The following KCTD16 variants were observed in gnomAD, a reference collection of about 807,000 sequenced individuals.
KCTD16 encodes the protein potassium channel tetramerization domain containing 16, also known as BTB/POZ domain-containing protein KCTD16.
A neutral mutation model predicts 33.2 loss-of-function variants in KCTD16; 13 were observed. The observed-to-expected ratio is 0.39, with a 90% CI of 0.25 to 0.62. The LOEUF (loss-of-function observed/expected upper bound fraction) is 0.62, where lower values mean the gene tolerates loss of function less well. Among genes scored for constraint, KCTD16 ranks in the 20% least tolerant of loss-of-function variants. The pLI is 0.50. For synonymous variants in KCTD16, 197 were observed against 195.3 expected, an observed-to-expected ratio of 1.01 and a Z score of -0.07; for missense variants, 441 against 525.1, an observed-to-expected ratio of 0.84 and a Z score of 1.57.
intron 3 of KCTD16, among the ~76,000 whole-genome samples, chr5:144,393,695 T>A (rs1194911907): frequency 6.6e-6 from 1 of 152,186 alleles, no homozygotes; most frequent in African/African-American, 2.4e-5. Flanking sequence ...GCTATATATT[T>A]AAAGCATTGG....
chr5:144,461,461 A>G (rs1023495028), intron 3 of KCTD16, among the ~76,000 whole-genome samples: 3 of 152,196 alleles, frequency 2.0e-5, no homozygotes, highest in African/African-American at 4.8e-5. Context: ...TCTCACTGAT[A>G]TCTGTAACTT....
intron 3 of KCTD16, among the ~76,000 whole-genome samples, chr5:144,377,588 G>A (rs1041793202): frequency 2.6e-5 from 4 of 152,156 alleles, no homozygotes; most frequent in African/African-American, 9.7e-5. Flanking sequence ...TACCCAATCT[G>A]CTACATACAT....
intron 2 of KCTD16, among the ~76,000 whole-genome samples, chr5:144,187,711 A>G (rs1752757683): frequency 6.6e-6 from 1 of 152,190 alleles, no homozygotes; most frequent in Non-Finnish European, 1.5e-5. Flanking sequence ...TGTGTACCCC[A>G]GAGTCTTGCT....
At chr5:144,201,365 A>G (rs919040607) in intron 2 of KCTD16, among the ~76,000 whole-genome samples, 1 of 152,230 alleles carries the variant, frequency 6.6e-6, no homozygotes, top group African/African-American at 2.4e-5. Context: ...AAATACATTT[A>G]TAACAAGCAA....
intron 3 of KCTD16, among the ~76,000 whole-genome samples, chr5:144,212,394 T>C (rs1347135371): frequency 6.6e-6 from 1 of 152,166 alleles, no homozygotes; most frequent in Non-Finnish European, 1.5e-5. Context: ...TCAGGGAAGG[T>C]ATTTGGCAGC....
chr5:144,304,598 CATT>C (rs746607110), intron 3 of KCTD16, among the ~76,000 whole-genome samples: 10 of 152,138 alleles, frequency 6.6e-5, no homozygotes, highest in Non-Finnish European at 8.8e-5. Flanking sequence ...TGAGTAAAAA[CATT>C]ATATGGAAGA....
intron 2 of KCTD16, among the ~76,000 whole-genome samples, chr5:144,194,965 A>C (rs1752914363): frequency 6.6e-6 from 1 of 152,180 alleles, no homozygotes; most frequent in Non-Finnish European, 1.5e-5. Context: ...CAAATCCTTC[A>C]ATGTTGTCAT....
intron 3 of KCTD16, among the ~76,000 whole-genome samples, chr5:144,262,142 T>C (rs1045543472): frequency 3.3e-5 from 5 of 152,196 alleles, no homozygotes; most frequent in African/African-American, 9.6e-5. Context: ...TAAGAATTAA[T>C]GGATCGGGGA....
At chr5:144,309,563 G>A (rs919444620) in intron 3 of KCTD16, among the ~76,000 whole-genome samples, 1 of 152,152 alleles carries the variant, frequency 6.6e-6, no homozygotes, top group Non-Finnish European at 1.5e-5. Context: ...CCTAATGAGA[G>A]AGACCAGACA....
chr5:144,376,578 G>A (rs1161230208), intron 3 of KCTD16, among the ~76,000 whole-genome samples: 1 of 152,030 alleles, frequency 6.6e-6, no homozygotes, highest in African/African-American at 2.4e-5. Flanking sequence ...GAAAGGACGG[G>A]GTGAGAAAAA....
chr5:144,451,882 TAAG>T (rs1227496433), intron 3 of KCTD16, among the ~76,000 whole-genome samples: 1 of 151,996 alleles, frequency 6.6e-6, no homozygotes, highest in African/African-American at 2.4e-5. Flanking sequence ...TCATTAACTG[TAAG>T]AAGGACCTCA....
chr5:144,225,934 A>C (rs1753917832), intron 3 of KCTD16, among the ~76,000 whole-genome samples: 1 of 152,228 alleles, frequency 6.6e-6, no homozygotes, highest in African/African-American at 2.4e-5. Context: ...GCAACCAAAA[A>C]ACTAGAAAGA....
chr5:144,299,141 TATA>T lies in KCTD16; in HGVS notation c.832+91596_832+91598del, dbSNP rs1561558798. Among the ~76,000 whole-genome samples, 19 of 28,608 alleles carry T rather than the reference TATA, an allele frequency of 6.6e-4. 1 individual carries two copies. Among genetic ancestry groups the T allele is most frequent in the African/African-American group, 1.0e-3 (3 of 2,890 alleles). 18.8% of individuals were successfully genotyped at this position (28,608 alleles called of 152,430 possible). A position where few individuals can be genotyped will look rare whatever the true frequency, so the allele number is the denominator to read the frequency against. ...ATATATATATATATATATATATATA[TATA>T]TATATTTTTTTTTTTTTTTTTAACC... On this transcript the variant is annotated intron_variant, in intron 3 of 3. Transcript: ENST00000512467.
At chr5:144,174,180 G>T (rs1752454857) in intron 1 of KCTD16, 127 bp from the exon 2 acceptor site, 1 of 152,174 alleles carries the variant, frequency 6.6e-6, no homozygotes, top group Non-Finnish European at 1.5e-5. Flanking sequence ...TAGTTAGACA[G>T]TCATGTTAGT....
chr5:144,294,230 T>C (rs1436685908), intron 3 of KCTD16, among the ~76,000 whole-genome samples: 1 of 152,194 alleles, frequency 6.6e-6, no homozygotes, highest in Non-Finnish European at 1.5e-5. Flanking sequence ...ATAAATCATA[T>C]CTTATTTTGC....
intron 1 of KCTD16, among the ~76,000 whole-genome samples, chr5:144,172,714 G>T (rs1221704091): frequency 6.6e-6 from 1 of 152,050 alleles, no homozygotes; most frequent in Non-Finnish European, 1.5e-5. Context: ...TATTAATGTT[G>T]CTCCCTTTTA....
chr5:144,392,968 T>C (rs576234572), intron 3 of KCTD16, among the ~76,000 whole-genome samples: 1 of 152,312 alleles, frequency 6.6e-6, no homozygotes, highest in African/African-American at 2.4e-5. Flanking sequence ...TGTTTGTTAT[T>C]GCAGAGCATA....
At chr5:144,423,563 G>C (rs1261100690) in intron 3 of KCTD16, among the ~76,000 whole-genome samples, 1 of 152,086 alleles carries the variant, frequency 6.6e-6, no homozygotes, top group Admixed American at 6.6e-5. Context: ...ATCTAGAAGA[G>C]AGAGACCAGG....
chr5:144,400,514 TA>T lies in KCTD16; in HGVS notation c.833-73145del, dbSNP rs1475815671. ...TATTGATCATAGTGTTTCAGGGAAA[TA>T]GGGGTGTGGAATATGAGTAGCAGTA... is the stretch of plus-strand genomic sequence containing the variant. On this transcript the variant is annotated intron_variant, in intron 3 of 3. Transcript: ENST00000512467. 2.0e-5 allele frequency among the ~76,000 whole-genome samples: 3 copies of T among 152,090 alleles called. No individual in the cohort carries two copies. The East Asian group carries it at 5.8e-4, about 29-fold the overall frequency.
Sources: gnomAD v4.1 joint callset for allele counts (sites outside exome capture counted in the v4.1 genomes callset) on GRCh38, gnomAD v4.1.1 for gene constraint, MANE v1.5 for transcripts, NCBI Gene and HGNC (gene_info 2026-07-23, HGNC 2026-07-21) for gene names.